Variants in PCDHGA9 observed in about 807,000 individuals in gnomAD.
PCDHGA9 encodes protocadherin gamma subfamily A, 9.
In PCDHGA9, 37 loss-of-function variants were observed where a neutral mutation model predicts 62.5. That is an observed-to-expected ratio of 0.59 (90% CI 0.46 to 0.78). The LOEUF (loss-of-function observed/expected upper bound fraction) is 0.78, where lower values mean the gene tolerates loss of function less well. PCDHGA9 is among the 30% of genes least tolerant of loss of function. The probability of loss-of-function intolerance (pLI) is 0.00; values close to 1 mark genes in which losing one functional copy is unlikely to be tolerated. For missense variants in PCDHGA9, 1,138 were observed against 1,166.2 expected, an observed-to-expected ratio of 0.98 and a Z score of 0.35; for synonymous variants, 459 against 484.6, an observed-to-expected ratio of 0.95 and a Z score of 0.69.
At position 141,502,866 on chromosome 5, in the gene PCDHGA9, C is replaced by CTTTTTTTTTTT. The variant is rs549047197; in HGVS notation, c.2484-2523_2484-2513dup. Among the ~76,000 whole-genome samples the CTTTTTTTTTTT allele has an allele frequency of 4.4e-4, 56 of 128,014 alleles. 1 individual carries two copies. The highest frequency in any genetic ancestry group is 5.1e-4 in the Non-Finnish European group (32 of 62,412). The allele number at this position is 128,014 out of a possible 152,430, so 84.0% of individuals were successfully genotyped here. ...GAGCTGCCTAACCCTGACTCTCTGTCTTTTTTTTTTTTTTGACAGGGAGTC... is the reference window on the plus strand; with the variant it reads ...GAGCTGCCTAACCCTGACTCTCTGTCTTTTTTTTTTTTTTTTTTTTTTTTTGACAGGGAGTC... On this transcript the variant is annotated intron_variant, in intron 2 of 3. Coordinates refer to ENST00000573521, the MANE Select transcript of PCDHGA9 (RefSeq NM_018921.3).
In PCDHGA9 at chr5:141,491,729, C is replaced by T. The variant is rs766649819; in HGVS notation, c.2425-3078C>T. On this transcript the variant is annotated intron_variant, in intron 1 of 3. Coordinates refer to ENST00000573521, the MANE Select transcript of PCDHGA9 (RefSeq NM_018921.3). This position sits in a 1 kb window ranked among gnomAD's most constrained non-coding sequence, Gnocchi z 6.9. ...AGGGGCTCGGCGCCGCCCCGGGCGA[C>T]CCCTGGGGGCGGCACTGGAGAAGCC... 6.1e-5 allele frequency: 98 copies of T among 1,603,832 alleles called. No homozygotes were observed. Among genetic ancestry groups the T allele is most frequent in the Non-Finnish European group, 7.9e-5 (93 of 1,175,848 alleles).
Position 141,432,683 on chromosome 5 carries a change from C to T in PCDHGA9, c.2424+27307C>T, listed in dbSNP as rs138402830. The T allele has an allele frequency of 4.8e-5, 78 of 1,613,968 alleles. No individual in the cohort carries two copies. In the African/African-American group the frequency reaches 9.5e-4, roughly 20 times the overall value. On this transcript the variant is annotated intron_variant, in intron 1 of 3. Transcript: ENST00000573521. The surrounding 1 kb of genome is among the most constrained non-coding windows in gnomAD (Gnocchi z 6.0). ...GGACAGAGACGCGCTCAAGCAGAGC[C>T]TCGTAGTGGCCGTCCAGGACCACGG...
chr5:141,465,893 C>T (rs926928579), intron 1 of PCDHGA9, among the ~76,000 whole-genome samples: 23 of 152,078 alleles, frequency 1.5e-4, no homozygotes, highest in Middle Eastern at 3.4e-3. Context: ...GAGGCCGAGG[C>T]GGGCAAATCA....
At position 141,405,160 on chromosome 5, in the gene PCDHGA9, C is replaced by T. The variant is rs2094616263; in HGVS notation, c.2208C>T (p.Pro736=). The change falls in exon 1 of 4, where the codon CCC becomes CCT. Residue 736 remains proline, a synonymous_variant. Coordinates refer to ENST00000573521, the MANE Select transcript of PCDHGA9 (RefSeq NM_018921.3). ...CCAGTGATGGGTTGGCTGGTGTGCCCACCTCACACTTTGTGGGTGTAGATG... is the reference window on the plus strand; with the variant it reads ...CCAGTGATGGGTTGGCTGGTGTGCCTACCTCACACTTTGTGGGTGTAGATG... ...RATSDGLAGV[P]TSHFVGVDGV... The T allele has an allele frequency of 6.2e-7, 1 of 1,614,028 alleles. No homozygotes were observed. Among genetic ancestry groups the T allele is most frequent in the Non-Finnish European group, 8.5e-7 (1 of 1,179,946 alleles).
intron 1 of PCDHGA9, among the ~76,000 whole-genome samples, chr5:141,451,073 C>A (rs1346074089): frequency 6.6e-6 from 1 of 151,958 alleles, no homozygotes; most frequent in Non-Finnish European, 1.5e-5. Flanking sequence ...TGTGATCCAC[C>A]CACCTTGACC....
chr5:141,408,082 G>A, intron 1 of PCDHGA9: 1 of 1,417,366 alleles, frequency 7.1e-7, no homozygotes, highest in Non-Finnish European at 9.3e-7. Context: ...TCCCAGCACA[G>A]CGGATTGCCA....
At chr5:141,488,546 G>A (rs2099676755) in intron 1 of PCDHGA9, among the ~76,000 whole-genome samples, 1 of 152,188 alleles carries the variant, frequency 6.6e-6, no homozygotes, top group African/African-American at 2.4e-5. Context: ...TCCCATGTCA[G>A]CTGACATTGA....
intron 1 of PCDHGA9, among the ~76,000 whole-genome samples, chr5:141,471,076 T>C (rs1463083616): frequency 1.5e-5 from 2 of 136,094 alleles, no homozygotes; most frequent in Non-Finnish European, 3.1e-5. Context: ...TGAGACAGGG[T>C]CTCCCTCTGT....
Position 141,478,407 on chromosome 5 carries a change from C to T in PCDHGA9, c.2425-16400C>T. On this transcript the variant is annotated intron_variant, in intron 1 of 3. Coordinates refer to ENST00000573521, the MANE Select transcript of PCDHGA9 (RefSeq NM_018921.3). The stretch of plus-strand genomic sequence containing the variant: ...CTTTACCATCAGGTGTATCTCACCA[C>T]GGACTCCCGCCGCAGCGACCCGCTG... 1.9e-6 allele frequency: 3 copies of T among 1,613,272 alleles called. No individual in the cohort carries two copies. The highest frequency in any genetic ancestry group is 1.3e-5 in the African/African-American group (1 of 75,072).
Position 141,476,085 on chromosome 5 carries a change from G to C in PCDHGA9, c.2425-18722G>C, listed in dbSNP as rs1163057402. On this transcript the variant is annotated intron_variant, in intron 1 of 3. Coordinates refer to ENST00000573521, the MANE Select transcript of PCDHGA9 (RefSeq NM_018921.3). This position sits in a 1 kb window ranked among gnomAD's most constrained non-coding sequence, Gnocchi z 7.6. ...TCAGCGAAATCTCAGGGACGATCTG[G>C]ACCCCGCTGAGAGGAACTGCTTTTG... 1.3e-6 allele frequency: 2 copies of C among 1,551,682 alleles called. No individual in the cohort carries two copies. Among genetic ancestry groups the C allele is most frequent in the East Asian group, 2.3e-5 (1 of 44,392 alleles).
intron 3 of PCDHGA9, 46 bp downstream of exon 3, chr5:141,505,527 T>C: frequency 6.2e-7 from 1 of 1,612,388 alleles, no homozygotes; most frequent in Non-Finnish European, 8.5e-7. Context: ...GACCTGGGGT[T>C]CTGGGGTGCA....
intron 1 of PCDHGA9, chr5:141,442,166 A>G (rs2098306007): frequency 6.4e-6 from 1 of 156,354 alleles, no homozygotes; most frequent in Non-Finnish European, 1.4e-5. Flanking sequence ...TCACTCTGCA[A>G]AGCTACAGCC....
chr5:141,419,214 T>C lies in PCDHGA9; in HGVS notation c.2424+13838T>C. On this transcript the variant is annotated intron_variant, in intron 1 of 3. Coordinates refer to ENST00000573521, the MANE Select transcript of PCDHGA9 (RefSeq NM_018921.3). ...GACGTCAATGACAACGCGCCGGTTT[T>C]CGGACAGTCAGCCTACCTGGTCCAC... 1.9e-6 allele frequency: 3 copies of C among 1,613,986 alleles called. No individual in the cohort carries two copies. In the South Asian group the frequency reaches 3.3e-5, roughly 18 times the overall value.
intron 1 of PCDHGA9, among the ~76,000 whole-genome samples, chr5:141,462,538 C>G (rs565849689): frequency 1.3e-5 from 2 of 152,102 alleles, no homozygotes; most frequent in South Asian, 2.1e-4. Context: ...GTTCAGTGAT[C>G]TTTTCTTCTT....
chr5:141,408,022 G>A (rs915978239), intron 1 of PCDHGA9: 1 of 1,056,122 alleles, frequency 9.5e-7, no homozygotes, highest in Non-Finnish European at 1.3e-6. Context: ...GCCAACAACA[G>A]AAAGAAGAAA....
chr5:141,486,688 C>G lies in PCDHGA9; in HGVS notation c.2425-8119C>G, dbSNP rs748605515. On this transcript the variant is annotated intron_variant, in intron 1 of 3. Coordinates refer to ENST00000573521, the MANE Select transcript of PCDHGA9 (RefSeq NM_018921.3). This position sits in a 1 kb window ranked among gnomAD's most constrained non-coding sequence, Gnocchi z 5.0. ...CCAGGAATCGAGATGTATCAGCTTCCTCTTTCATCTCTCTGAACCCCCAGA... is the reference window on the plus strand; with the variant it reads ...CCAGGAATCGAGATGTATCAGCTTCGTCTTTCATCTCTCTGAACCCCCAGA... The G allele has an allele frequency of 1.2e-6, 2 of 1,614,170 alleles. No homozygotes were observed. The highest frequency in any genetic ancestry group is 8.5e-7 in the Non-Finnish European group (1 of 1,180,044).
chr5:141,444,897 G>T (rs1445334623), intron 1 of PCDHGA9, among the ~76,000 whole-genome samples: 1 of 152,274 alleles, frequency 6.6e-6, no homozygotes, highest in African/African-American at 2.4e-5. Flanking sequence ...GAATGGGATG[G>T]CATTGCATCT....
Position 141,487,421 on chromosome 5 carries a change from C to T in PCDHGA9, c.2425-7386C>T. ...GGGGCTTCCCCCTTCCAATGGGATC[C>T]TCCGAATCCAGCTAGGGTCAGATGA... On this transcript the variant is annotated intron_variant, in intron 1 of 3. Coordinates refer to ENST00000573521, the MANE Select transcript of PCDHGA9 (RefSeq NM_018921.3). This position sits in a 1 kb window ranked among gnomAD's most constrained non-coding sequence, Gnocchi z 5.0. The T allele has an allele frequency of 6.2e-7, 1 of 1,614,144 alleles. No homozygotes were observed. The highest frequency in any genetic ancestry group is 1.1e-5 in the South Asian group (1 of 91,082).
At position 141,512,881 on chromosome 5, in the gene PCDHGA9, C is replaced by T. The variant is rs1274589284; in HGVS notation, c.*1708C>T. 1.3e-5 allele frequency: 2 copies of T among 152,268 alleles called. No homozygotes were observed. Among genetic ancestry groups the T allele is most frequent in the African/African-American group, 4.8e-5 (2 of 41,458 alleles). 9.4% of individuals were successfully genotyped at this position (152,268 alleles called of 1,614,324 possible). On this transcript the variant is annotated 3_prime_UTR_variant, in exon 4 of 4. Coordinates refer to ENST00000573521, the MANE Select transcript of PCDHGA9 (RefSeq NM_018921.3). Reference sequence around the variant, plus strand: ...TCGCATAGTCACGTAGCTCCCACCCCACCCTCTTCCTGTGTCTCACGCAAG... The same window carrying T: ...TCGCATAGTCACGTAGCTCCCACCCTACCCTCTTCCTGTGTCTCACGCAAG...
Sources: gnomAD v4.1 joint callset for allele counts (sites outside exome capture counted in the v4.1 genomes callset) on GRCh38, gnomAD v4.1.1 for gene constraint, Gnocchi (gnomAD v3.1) non-coding constraint, MANE v1.5 for transcripts, NCBI Gene and HGNC (gene_info 2026-07-23, HGNC 2026-07-21) for gene names.